KIDINS220: variants seen among roughly 807,000 people sequenced by gnomAD.
The protein encoded by KIDINS220 is kinase D interacting substrate 220, also known as kinase D-interacting substrate of 220 kDa.
A neutral mutation model predicts 157.6 loss-of-function variants in KIDINS220; 63 were observed. The observed-to-expected ratio is 0.40, with a 90% CI of 0.33 to 0.49. The LOEUF (loss-of-function observed/expected upper bound fraction) is 0.49. Among genes scored for constraint, KIDINS220 ranks in the 20% least tolerant of loss-of-function variants. The pLI is 0.66. For missense variants in KIDINS220, 1,772 were observed against 2,171.2 expected (o/e 0.82, Z 3.65); for synonymous variants, 732 against 783.6 (o/e 0.93, Z 1.10).
chr2:8,790,406 T>C (rs1673031309), intron 13 of KIDINS220, among the ~76,000 whole-genome samples: 1 of 152,212 alleles, frequency 6.6e-6, no homozygotes, highest in Non-Finnish European at 1.5e-5. Flanking sequence ...TGCATATTGT[T>C]TCCACATGCA....
chr2:8,807,985 G>A lies in KIDINS220; in HGVS notation c.505-1616C>T, dbSNP rs74914939. Among the ~76,000 whole-genome samples the A allele has an allele frequency of 1.9e-3, 296 of 152,210 alleles. 1 individual carries two copies. Among genetic ancestry groups the A allele is most frequent in the Non-Finnish European group, 3.8e-3 (259 of 68,008 alleles). On this transcript the variant is annotated intron_variant, in intron 6 of 29. Coordinates refer to ENST00000256707, the MANE Select transcript of KIDINS220 (RefSeq NM_020738.4). ...AAAAATACAAAAAAATTAGCCAGGC[G>A]TGGTGGTATATGCCTGTAGTCCCAG...
intron 3 of KIDINS220, 107 bp from the exon 4 acceptor site, chr2:8,817,823 A>G (rs1677308061): frequency 1.4e-6 from 1 of 708,822 alleles, no homozygotes; most frequent in Non-Finnish European, 2.4e-6. Context: ...CCAAGTTGAC[A>G]TGGTGTGACC....
At chr2:8,740,195 G>A (rs574895530) in intron 26 of KIDINS220, 1 of 981,952 alleles carries the variant, frequency 1.0e-6, no homozygotes, top group Non-Finnish European at 1.2e-6. Context: ...CTTTAAGGAA[G>A]GAATAAAACA....
At chr2:8,758,708 T>A (rs1668364394) in intron 22 of KIDINS220, among the ~76,000 whole-genome samples, 1 of 152,146 alleles carries the variant, frequency 6.6e-6, no homozygotes, top group Admixed American at 6.5e-5. Context: ...AGCCATAAAT[T>A]TCCCTCTGAG....
chr2:8,788,945 ACTC>A (rs1318372586), intron 14 of KIDINS220, 133 bp from the exon 15 acceptor site: 1 of 705,870 alleles, frequency 1.4e-6, no homozygotes, highest in Non-Finnish European at 2.3e-6. Context: ...TTTCCTAACT[ACTC>A]CTCAAAGAAT....
Position 8,817,651 on chromosome 2 carries a change from C to T in KIDINS220, c.273G>A (p.Leu91=), listed in dbSNP as rs762610424. The T allele has an allele frequency of 4.2e-5, 67 of 1,607,244 alleles. 1 individual carries two copies. In the South Asian group the frequency reaches 7.5e-4, roughly 18 times the overall value. The change falls in exon 4 of 30, where the codon CTG becomes CTA. Residue 91 remains leucine (L), a synonymous_variant. Transcript: ENST00000256707. ...EGHVHIVEEL[L]KCGVNLEHRD... ...GGTGCTCCAAGTTAACCCCACATTT[C>T]AGTAGTTCCTCTACGATGTGCACAT...
rs753676612 is a variant in KIDINS220, at chr2:8,779,811, G to T, written c.2233C>A (p.Leu745Ile). 6.2e-7 allele frequency: 1 copy of T among 1,614,016 alleles called. No individual in the cohort carries two copies. Among genetic ancestry groups the T allele is most frequent in the South Asian group, 1.1e-5 (1 of 91,082 alleles). ...KLKSEGFMKV[L>I]KCEVELMARM... ...GCCATCAATTCCACTTCACATTTAA[G>T]AACCTGTATTGCAAAGGAAGGTATA... Residue 745 changes from leucine to isoleucine, a missense_variant, in exon 18 of 30, where the codon CTT becomes ATT. Physicochemically the swap from Leu to Ile is conservative, Grantham distance 5. Transcript: ENST00000256707.
chr2:8,726,887 CTTAGT>C, downstream of KIDINS220: 1 of 1,286,528 alleles, frequency 7.8e-7, no homozygotes, highest in Non-Finnish European at 1.0e-6. Context: ...TTTTACATAC[CTTAGT>C]TTAATCTGGA....
Position 8,779,828 on chromosome 2 carries a change from G to C in KIDINS220, c.2230-14C>G. 1.2e-6 allele frequency: 2 copies of C among 1,613,428 alleles called. No individual in the cohort carries two copies. The highest frequency in any genetic ancestry group is 1.7e-6 in the Non-Finnish European group (2 of 1,179,670). On this transcript the variant is annotated splice_polypyrimidine_tract_variant and intron_variant, in intron 17 of 29. Transcript: ENST00000256707. ...ACATTTAAGAACCTGTATTGCAAAG[G>C]AAGGTATAGAAAGCACTGAAGGAAG...
chr2:8,736,119 A>G (rs745719945), intron 27 of KIDINS220, among the ~76,000 whole-genome samples: 3 of 152,218 alleles, frequency 2.0e-5, no homozygotes, highest in Non-Finnish European at 2.9e-5. Context: ...ATATGCTCAT[A>G]ATTCTTTAAA....
chr2:8,832,043 T>C (rs1679712367), intron 1 of KIDINS220, among the ~76,000 whole-genome samples: 1 of 152,234 alleles, frequency 6.6e-6, no homozygotes, highest in African/African-American at 2.4e-5. Flanking sequence ...ATTTTAAATA[T>C]CCAATTGCAG....
chr2:8,789,154 A>ACC (rs1216050837), intron 14 of KIDINS220, among the ~76,000 whole-genome samples: 1 of 147,524 alleles, frequency 6.8e-6, no homozygotes, highest in East Asian at 2.0e-4. Context: ...AACTGAAGAC[A>ACC]CCCCCAAGAA....
chr2:8,750,179 A>T lies in KIDINS220; in HGVS notation c.3347T>A (p.Val1116Glu), dbSNP rs752601543. ...SFNGPFAGGV[V>E]SPQPHSSYYS... is the part of the protein sequence containing the mutation. ...ATAGCTGCTGTGAGGCTGTGGTGAC[A>T]CCACTCCACCTGCGAAGGGCCCATT... is the stretch of plus-strand genomic sequence containing the variant. Residue 1116 changes from valine (V) to glutamate (E), a missense_variant, in exon 24 of 30, where the codon GTG becomes GAG. Physicochemically the swap from Val to Glu is moderately radical, Grantham distance 121. Transcript: ENST00000256707. 80 of 1,614,056 alleles carry T rather than the reference A, an allele frequency of 5.0e-5. No homozygotes were observed. The South Asian group carries it at 8.7e-4, about 17-fold the overall frequency.
rs766309034 is a variant in KIDINS220, at chr2:8,791,203, G to A, written c.1298C>T (p.Thr433Ile). The A allele has an allele frequency of 1.2e-6, 2 of 1,613,450 alleles. No homozygotes were observed. The highest frequency in any genetic ancestry group is 2.2e-5 in the East Asian group (1 of 44,880). Residue 433 changes from threonine to isoleucine, a missense_variant, in exon 13 of 30, where the codon ACA becomes ATA. This residue lies in a region of KIDINS220 where 725 missense variants were observed against 1,017.1 expected (regional missense o/e 0.71). Coordinates refer to ENST00000256707, the MANE Select transcript of KIDINS220 (RefSeq NM_020738.4). ...FGARHLSPTE[T>I]DGDMLGYDLY... ...ATCATATCCAAGCATGTCACCGTCTGTTTCAGTAGGAGACAAGTGTCCTGT... is the reference window on the plus strand; with the variant it reads ...ATCATATCCAAGCATGTCACCGTCTATTTCAGTAGGAGACAAGTGTCCTGT...
intron 1 of KIDINS220, among the ~76,000 whole-genome samples, chr2:8,827,743 G>A (rs1311682576): frequency 1.3e-5 from 2 of 152,110 alleles, no homozygotes; most frequent in East Asian, 3.8e-4. Flanking sequence ...TAATTAGCCT[G>A]ATTTGATCAT....
At chr2:8,805,945 G>A (rs1236463573) in intron 7 of KIDINS220, among the ~76,000 whole-genome samples, 3 of 152,066 alleles carry the variant, frequency 2.0e-5, no homozygotes, top group South Asian at 2.1e-4. Flanking sequence ...CAAAATCACC[G>A]ATGACACATT....
intron 26 of KIDINS220, chr2:8,746,850 CG>C: frequency 3.1e-6 from 1 of 322,102 alleles, no homozygotes; most frequent in Non-Finnish European, 5.7e-6. Context: ...ATACTACCAA[CG>C]GAACACCCCT....
chr2:8,778,743 A>G lies in KIDINS220; in HGVS notation c.2615-16T>C, dbSNP rs1671304574. 1.2e-6 allele frequency: 2 copies of G among 1,608,344 alleles called. No homozygotes were observed. Among genetic ancestry groups the G allele is most frequent in the Admixed American group, 1.7e-5 (1 of 59,992 alleles). ...TCCTGTATCCCTTAAATAATTTATC[A>G]AGACAGCATCACTTACACCAAAATT... On this transcript the variant is annotated splice_polypyrimidine_tract_variant and intron_variant, in intron 19 of 29. Transcript: ENST00000256707.
chr2:8,794,153 C>G, intron 11 of KIDINS220, 166 bp from the exon 12 acceptor site: 1 of 479,908 alleles, frequency 2.1e-6, no homozygotes, highest in Non-Finnish European at 3.6e-6. Context: ...CCCATAATAT[C>G]CTTCTGTAGC....
Sources: gnomAD v4.1 joint callset for allele counts (sites outside exome capture counted in the v4.1 genomes callset) on GRCh38, gnomAD v4.1.1 for gene constraint, gnomAD v4.1.1 regional missense constraint, MANE v1.5 for transcripts, NCBI Gene and HGNC (gene_info 2026-07-23, HGNC 2026-07-21) for gene names.